SLC41A3: variants seen among roughly 807,000 people sequenced by gnomAD.
SLC41A3 encodes solute carrier family 41 member 3, also known as SLC41A1-like 2.
Under a neutral mutation model 45.4 loss-of-function variants are expected in SLC41A3, and 44 were observed. The ratio of observed to expected loss-of-function variants is 0.97; its 90% CI spans 0.76 to 1.25. The LOEUF is 1.25. Among genes scored for constraint, SLC41A3 ranks in the 50% most tolerant of loss-of-function variants. The pLI, the probability that SLC41A3 is intolerant of heterozygous loss-of-function variation, is 0.00. For missense variants in SLC41A3, 550 were observed against 600.6 expected, an observed-to-expected ratio of 0.92 and a Z score of 0.88; for synonymous variants, 256 against 252.4, an observed-to-expected ratio of 1.01 and a Z score of -0.13.
chr3:126,060,095 T>C (rs1316456503), intron 2 of SLC41A3, among the ~76,000 whole-genome samples: 2 of 152,182 alleles, frequency 1.3e-5, no homozygotes, highest in Non-Finnish European at 2.9e-5. Context: ...TTACAAATCA[T>C]TACAAAAATG....
At chr3:126,011,390 G>A (rs1939696194) in intron 9 of SLC41A3, among the ~76,000 whole-genome samples, 1 of 152,186 alleles carries the variant, frequency 6.6e-6, no homozygotes, top group Non-Finnish European at 1.5e-5. Context: ...AAAAGTGATA[G>A]AAATGAGCCA....
intron 1 of SLC41A3, among the ~76,000 whole-genome samples, chr3:126,074,523 C>A (rs1944782024): frequency 6.6e-6 from 1 of 152,118 alleles, no homozygotes; most frequent in Admixed American, 6.5e-5. Flanking sequence ...ACGACATAAT[C>A]TTATACGTAA....
chr3:126,069,709 C>T (rs1330090331), intron 1 of SLC41A3, among the ~76,000 whole-genome samples: 2 of 151,534 alleles, frequency 1.3e-5, no homozygotes, highest in Non-Finnish European at 2.9e-5. Context: ...GAAACCGTAC[C>T]GGAAGAAGCA....
rs72979460 is a variant in SLC41A3 at position 126,042,005 on chromosome 3, T to C, written c.382-8327A>G. On this transcript the variant is annotated intron_variant, in intron 3 of 10. Coordinates refer to ENST00000360370, the MANE Select transcript of SLC41A3 (RefSeq NM_017836.4). The stretch of plus-strand genomic sequence containing the variant: ...GGTGCAGTTGGGAGGAACCACCTAA[T>C]CCTAGAAAGAAAGAAGGAAAGAAAG... 5.8e-3 allele frequency among the ~76,000 whole-genome samples: 885 copies of C among 152,050 alleles called. 6 individuals are homozygous for C. Among genetic ancestry groups the C allele is most frequent in the African/African-American group, 0.02 (843 of 41,496 alleles).
At chr3:126,017,434 C>T (rs912805554) in intron 6 of SLC41A3, among the ~76,000 whole-genome samples, 8 of 152,310 alleles carry the variant, frequency 5.3e-5, no homozygotes, top group African/African-American at 1.9e-4. Flanking sequence ...GGTCACCAGC[C>T]GGGTAGCTAC....
chr3:126,019,614 C>A (rs549209897), intron 6 of SLC41A3, among the ~76,000 whole-genome samples: 1 of 152,280 alleles, frequency 6.6e-6, no homozygotes, highest in South Asian at 2.1e-4. Flanking sequence ...ACATTCCCAT[C>A]CAAAAAGAAG....
At chr3:126,073,766 C>T (rs948697611) in intron 1 of SLC41A3, among the ~76,000 whole-genome samples, 5 of 152,160 alleles carry the variant, frequency 3.3e-5, no homozygotes, top group African/African-American at 1.2e-4. Context: ...CAGATGGCTT[C>T]ACTAGAGAAG....
chr3:126,016,271 ACAGCTGTCTAGGTCCCAC>A (rs536365822), intron 7 of SLC41A3, among the ~76,000 whole-genome samples: 1,697 of 152,330 alleles, frequency 0.011, 21 homozygotes, highest in Non-Finnish European at 0.017. Flanking sequence ...CGCTAACCCC[ACAGCTGTCTAGGTCCCAC>A]CAGTAGCCAT....
In SLC41A3 at chr3:126,038,406, C is replaced by A. The variant is rs539924488; in HGVS notation, c.382-4728G>T. Among the ~76,000 whole-genome samples, 5 of 152,384 alleles carry A rather than the reference C, an allele frequency of 3.3e-5. No homozygotes were observed. In the South Asian group the frequency reaches 1.0e-3, roughly 32 times the overall value. On this transcript the variant is annotated intron_variant, in intron 3 of 10. Transcript: ENST00000360370. ...GCCACAGAGGCTGCACCCTGGAAAG[C>A]CACAGGGGTAGAGAAGTCCAGAGGC...
At chr3:126,025,474 T>A (rs916403430) in intron 5 of SLC41A3, 1 of 151,456 alleles carries the variant, frequency 6.6e-6, no homozygotes, top group African/African-American at 2.4e-5. Context: ...CCGGGGCCCA[T>A]GGGAAGGGGA....
chr3:126,032,789 T>C (rs9840962), intron 4 of SLC41A3, among the ~76,000 whole-genome samples: 51,759 of 151,962 alleles, frequency 0.34, 9,751 homozygotes, highest in African/African-American at 0.51. Context: ...ATGTGATGGA[T>C]GGGGGAGTCA....
At chr3:126,046,382 A>C (rs905935768) in intron 3 of SLC41A3, among the ~76,000 whole-genome samples, 4 of 130,652 alleles carry the variant, frequency 3.1e-5, no homozygotes, top group African/African-American at 1.1e-4. Context: ...CACACACACA[A>C]ATTTTTATAA....
rs1941968758 is a variant in SLC41A3 at position 126,033,639 on chromosome 3, T to C, written c.421A>G (p.Arg141Gly). 1.2e-6 allele frequency: 2 copies of C among 1,613,026 alleles called. No homozygotes were observed. The highest frequency in any genetic ancestry group is 1.7e-6 in the Non-Finnish European group (2 of 1,179,900). The stretch of plus-strand genomic sequence containing the variant: ...AGGGCCAGGTTGCTGCTGATGACTC[T>C]GTGCTGCTCCTGGGGGTCATCAATT... ...GQIDDPQEQH[R>G]VISSNLALIQ... Residue 141 changes from arginine to glycine, a missense_variant, in exon 4 of 11, where the codon AGA (arginine) becomes GGA (glycine). Transcript: ENST00000360370.
chr3:126,008,643 G>A lies in SLC41A3; in HGVS notation c.1254+89C>T, dbSNP rs113893640. ...CCCACACGTCCAGCCACCCCCACCCGCCTCCCTCAGCCTCTCACTCAGACA... is the reference window on the plus strand; with the variant it reads ...CCCACACGTCCAGCCACCCCCACCCACCTCCCTCAGCCTCTCACTCAGACA... On this transcript the variant is annotated intron_variant, in intron 10 of 10. Transcript: ENST00000360370. The A allele has an allele frequency of 2.4e-3, 3,590 of 1,500,036 alleles. 58 individuals carry two copies. The African/African-American group carries it at 0.041, about 17-fold the overall frequency. The allele number at this position is 1,500,036 out of a possible 1,614,324, so 92.9% of individuals were successfully genotyped here.
chr3:126,059,799 AGTC>A (rs1559870662), intron 2 of SLC41A3, among the ~76,000 whole-genome samples: 7 of 152,326 alleles, frequency 4.6e-5, no homozygotes, highest in Middle Eastern at 3.4e-3. Context: ...TTAAAGACAG[AGTC>A]CTCTGTCTTT....
intron 8 of SLC41A3, among the ~76,000 whole-genome samples, chr3:126,014,531 C>T (rs560508104): frequency 6.6e-6 from 1 of 152,298 alleles, no homozygotes. Context: ...GTGACTCATC[C>T]CAAAAAATCA....
rs976756617 is a variant in SLC41A3 at position 126,026,185 on chromosome 3, C to T, written c.598+150G>A. ...GGCCATGAAGACCCAGCTGGCTCGT[C>T]CCACCCTGCCAGTGAGAACCCTGAG... On this transcript the variant is annotated intron_variant, in intron 5 of 10. Coordinates refer to ENST00000360370, the MANE Select transcript of SLC41A3 (RefSeq NM_017836.4). The surrounding 1 kb of genome is among the most constrained non-coding windows in gnomAD (Gnocchi z 4.2). 29 of 1,270,004 alleles carry T rather than the reference C, an allele frequency of 2.3e-5. No individual in the cohort carries two copies. In the African/African-American group the frequency reaches 3.9e-4, roughly 17 times the overall value. The allele number at this position is 1,270,004 out of a possible 1,614,324, so 78.7% of individuals were successfully genotyped here.
intron 10 of SLC41A3, 47 bp downstream of exon 10, chr3:126,008,685 G>T: frequency 6.3e-7 from 1 of 1,598,554 alleles, no homozygotes; most frequent in South Asian, 1.1e-5. Context: ...CAAGCCTGCT[G>T]GCTGACTACA....
At chr3:126,008,674 T>C in intron 10 of SLC41A3, 58 bp downstream of exon 10, 1 of 1,593,978 alleles carries the variant, frequency 6.3e-7, no homozygotes, top group Non-Finnish European at 8.6e-7. Flanking sequence ...AGACAAGAGA[T>C]CAAGCCTGCT....
Sources: allele counts gnomAD v4.1 joint callset (sites outside exome capture counted in the v4.1 genomes callset), GRCh38; gene constraint gnomAD v4.1.1; non-coding constraint Gnocchi (gnomAD v3.1); transcripts MANE v1.5; gene names NCBI Gene and HGNC (gene_info 2026-07-23, HGNC 2026-07-21).